Variants in ANKRD17 observed in about 807,000 individuals in gnomAD.
ANKRD17 encodes ankyrin repeat domain 17.
Under a neutral mutation model 229.7 loss-of-function variants are expected in ANKRD17, and 19 were observed. The observed-to-expected ratio is 0.08, with a 90% confidence interval of 0.06 to 0.12. ANKRD17 has a LOEUF of 0.12. Among genes scored for constraint, ANKRD17 ranks in the 10% least tolerant of loss-of-function variants. The pLI is 1.00. For missense variants in ANKRD17, 2,176 were observed against 3,176.8 expected (o/e 0.68, Z 7.57); for synonymous variants, 1,112 against 1,146.1 (o/e 0.97, Z 0.60).
rs1440418788 is a variant in ANKRD17 at position 73,171,242 on chromosome 4, G to T, written c.547+6138C>A. Among the ~76,000 whole-genome samples the T allele has an allele frequency of 2.2e-5, 3 of 137,778 alleles. No individual in the cohort carries two copies. In the East Asian group the frequency reaches 6.5e-4, roughly 30 times the overall value. 90.4% of individuals were successfully genotyped at this position (137,778 alleles called of 152,430 possible). A position where few individuals can be genotyped will look rare whatever the true frequency, so the allele number is the denominator to read the frequency against. On this transcript the variant is annotated intron_variant, in intron 2 of 33. Transcript: ENST00000358602. ...GAGAGACTGAGACTCCATTTGTTTG[G>T]GAGAAAGAAAAGAGAAGAAGAGTCT...
At chr4:73,181,292 G>A (rs1209192336) in intron 1 of ANKRD17, among the ~76,000 whole-genome samples, 1 of 152,140 alleles carries the variant, frequency 6.6e-6, no homozygotes, top group Non-Finnish European at 1.5e-5. Flanking sequence ...ATAAAGAAAT[G>A]CATGATACCA....
intron 1 of ANKRD17, among the ~76,000 whole-genome samples, chr4:73,226,944 T>C (rs941060844): frequency 3.9e-5 from 6 of 152,220 alleles, no homozygotes; most frequent in Admixed American, 2.0e-4. Context: ...ATTAGAAGTA[T>C]TGAATATAAA....
chr4:73,206,561 G>A (rs1031758801), intron 1 of ANKRD17, among the ~76,000 whole-genome samples: 2 of 152,084 alleles, frequency 1.3e-5, no homozygotes, highest in African/African-American at 4.8e-5. Context: ...AATGAAACAA[G>A]CCAGGCACAG....
At chr4:73,252,434 C>T (rs928140702) in intron 1 of ANKRD17, among the ~76,000 whole-genome samples, 3 of 152,142 alleles carry the variant, frequency 2.0e-5, no homozygotes, top group Non-Finnish European at 4.4e-5. Flanking sequence ...CTTAATAATC[C>T]AAATAAATGA....
intron 2 of ANKRD17, among the ~76,000 whole-genome samples, chr4:73,166,036 GA>G (rs1733184677): frequency 6.6e-6 from 1 of 152,200 alleles, no homozygotes; most frequent in Admixed American, 6.5e-5. Flanking sequence ...CTGGCTCACA[GA>G]AATTTAAGAG....
intron 8 of ANKRD17, among the ~76,000 whole-genome samples, chr4:73,148,191 A>T (rs1730539312): frequency 6.6e-6 from 1 of 152,198 alleles, no homozygotes; most frequent in Non-Finnish European, 1.5e-5. Context: ...GTTTTTTTTA[A>T]AAGTGTCATT....
chr4:73,124,053 AT>A (rs1467651689), intron 18 of ANKRD17, among the ~76,000 whole-genome samples: 2 of 152,050 alleles, frequency 1.3e-5, no homozygotes, highest in Admixed American at 1.3e-4. Context: ...ACCTCTTTCT[AT>A]TTGTTTAAAG....
At chr4:73,161,626 T>C (rs141525312) in intron 2 of ANKRD17, among the ~76,000 whole-genome samples, 9 of 152,292 alleles carry the variant, frequency 5.9e-5, no homozygotes, top group Non-Finnish European at 1.0e-4. Flanking sequence ...CTCTGTCATA[T>C]CTCTGAAAGA....
chr4:73,162,357 T>TA (rs1732646640), intron 2 of ANKRD17, among the ~76,000 whole-genome samples: 1 of 152,146 alleles, frequency 6.6e-6, no homozygotes, highest in Admixed American at 6.5e-5. Context: ...GACACCCAGC[T>TA]AATTTTTAAA....
intron 11 of ANKRD17, among the ~76,000 whole-genome samples, chr4:73,143,785 G>C (rs531097710): frequency 2.0e-5 from 3 of 152,028 alleles, no homozygotes; most frequent in Non-Finnish European, 2.9e-5. Context: ...CTGTCACCCT[G>C]GCTGGAGTGC....
At position 73,098,057 on chromosome 4, in the gene ANKRD17, A is replaced by AGTG. The variant is rs761913652; in HGVS notation, c.5021+15_5021+16insCAC. 3.2e-6 allele frequency: 5 copies of AGTG among 1,565,922 alleles called. No homozygotes were observed. The highest frequency in any genetic ancestry group is 4.3e-6 in the Non-Finnish European group (5 of 1,154,404). Reference sequence around the variant, plus strand: ...TGATGACACTATAAATATTGAAAATAAAAATTGGAACTAACTTTATTGAAG... The same window carrying AGTG: ...TGATGACACTATAAATATTGAAAATAGTGAAAATTGGAACTAACTTTATTGAAG... On this transcript the variant is annotated intron_variant, in intron 26 of 33. Transcript: ENST00000358602.
intron 2 of ANKRD17, among the ~76,000 whole-genome samples, chr4:73,172,897 A>G (rs943375337): frequency 3.3e-5 from 5 of 152,234 alleles, no homozygotes; most frequent in Non-Finnish European, 7.3e-5. Flanking sequence ...GAAAGAAGGA[A>G]GTTAACAATA....
chr4:73,246,808 C>T (rs1744545758), intron 1 of ANKRD17, among the ~76,000 whole-genome samples: 1 of 152,032 alleles, frequency 6.6e-6, no homozygotes, highest in South Asian at 2.1e-4. Context: ...AAGCAAGAAT[C>T]AGTCAACTGC....
chr4:73,213,987 C>T (rs1740665183), intron 1 of ANKRD17, among the ~76,000 whole-genome samples: 1 of 152,088 alleles, frequency 6.6e-6, no homozygotes. Context: ...TTTCACTTAC[C>T]ACTTAATATT....
At chr4:73,138,492 T>C (rs1390424319) in intron 15 of ANKRD17, among the ~76,000 whole-genome samples, 3 of 151,988 alleles carry the variant, frequency 2.0e-5, no homozygotes, top group Non-Finnish European at 4.4e-5. Context: ...TTTCCTATTA[T>C]CCATTTAAAA....
chr4:73,184,480 G>A (rs1420818496), intron 1 of ANKRD17, among the ~76,000 whole-genome samples: 2 of 123,830 alleles, frequency 1.6e-5, no homozygotes, highest in African/African-American at 6.2e-5. Context: ...TGTGAGCCAA[G>A]ATAGCGCCAT....
At chr4:73,202,595 C>A (rs1243438399) in intron 1 of ANKRD17, among the ~76,000 whole-genome samples, 3 of 152,102 alleles carry the variant, frequency 2.0e-5, no homozygotes, top group Non-Finnish European at 4.4e-5. Flanking sequence ...GCTACACATA[C>A]CAGTAGGGCT....
intron 29 of ANKRD17, among the ~76,000 whole-genome samples, chr4:73,085,727 C>T (rs963692406): frequency 1.5e-4 from 22 of 150,004 alleles, no homozygotes; most frequent in Non-Finnish European, 3.0e-4. Context: ...GTGGTTCATG[C>T]CTATAATCCC....
chr4:73,196,509 C>G (rs547287313), intron 1 of ANKRD17, among the ~76,000 whole-genome samples: 5 of 152,162 alleles, frequency 3.3e-5, no homozygotes, highest in Admixed American at 6.5e-5. Flanking sequence ...CATATATACA[C>G]GTATGTGTAT....
Sources: gnomAD v4.1 joint callset for allele counts (sites outside exome capture counted in the v4.1 genomes callset) on GRCh38, gnomAD v4.1.1 for gene constraint, MANE v1.5 for transcripts, NCBI Gene and HGNC (gene_info 2026-07-23, HGNC 2026-07-21) for gene names.